Variants in STPG2 observed in about 807,000 individuals in gnomAD.
The protein encoded by STPG2 is sperm tail PG-rich repeat containing 2, also known as sperm-tail PG-rich repeat-containing protein 2.
A neutral mutation model predicts 54.2 loss-of-function variants in STPG2; 56 were observed. The ratio of observed to expected loss-of-function variants is 1.03; its 90% CI spans 0.83 to 1.29. STPG2 has a LOEUF of 1.29. Among genes scored for constraint, STPG2 ranks in the 50% most tolerant of loss-of-function variants. The probability of loss-of-function intolerance (pLI) is 0.00; values close to 1 mark genes in which losing one functional copy is unlikely to be tolerated. For missense variants in STPG2, 596 were observed against 544.9 expected, an observed-to-expected ratio of 1.09 and a Z score of -0.93; for synonymous variants, 200 against 181.8, an observed-to-expected ratio of 1.10 and a Z score of -0.81.
chr4:98,015,998 G>A (rs965009048), intron 5 of STPG2, among the ~76,000 whole-genome samples: 2 of 152,102 alleles, frequency 1.3e-5, no homozygotes, highest in Admixed American at 6.6e-5. Flanking sequence ...AGAAGTGGGA[G>A]ATGAACAATG....
At chr4:98,135,465 G>C (rs778229700) in intron 1 of STPG2, among the ~76,000 whole-genome samples, 1 of 151,724 alleles carries the variant, frequency 6.6e-6, no homozygotes, top group Non-Finnish European at 1.5e-5. Context: ...TTGAAGCATT[G>C]AGAAAAGTAT....
At chr4:97,518,565 T>A (rs973385211) in intron 4 of STPG2, among the ~76,000 whole-genome samples, 9 of 152,116 alleles carry the variant, frequency 5.9e-5, no homozygotes, top group African/African-American at 2.2e-4. Context: ...AATAATTTCA[T>A]CTTTGGTGGG....
chr4:97,970,645 C>A lies in STPG2; in HGVS notation c.933+1635G>T, dbSNP rs373642953. Among the ~76,000 whole-genome samples the A allele has an allele frequency of 3.4e-3, 514 of 152,180 alleles. 4 individuals are homozygous for A. Among genetic ancestry groups the A allele is most frequent in the African/African-American group, 0.01 (436 of 41,530 alleles). On this transcript the variant is annotated intron_variant, in intron 7 of 10. Transcript: ENST00000295268. Reference sequence around the variant, plus strand: ...AAACTGGATCCCTTCCTTACACCTTCTACAAAAATTAATTCAAGATGGATT... The same window carrying A: ...AAACTGGATCCCTTCCTTACACCTTATACAAAAATTAATTCAAGATGGATT...
intron 4 of STPG2, among the ~76,000 whole-genome samples, chr4:98,107,028 T>TA (rs1158312258): frequency 2.0e-5 from 3 of 152,202 alleles, no homozygotes; most frequent in Non-Finnish European, 1.5e-5. Context: ...AATATGCACT[T>TA]ACCATCCCCG....
At chr4:97,613,475 CGTGT>C (rs70953075) in intron 10 of STPG2, among the ~76,000 whole-genome samples, 23,514 of 141,982 alleles carry the variant, frequency 0.17, 1,850 homozygotes, top group Middle Eastern at 0.21. Flanking sequence ...AGTCATCACC[CGTGT>C]GTGTGTGTGT....
At chr4:97,794,706 T>C (rs558237219) in intron 9 of STPG2, among the ~76,000 whole-genome samples, 19 of 152,294 alleles carry the variant, frequency 1.2e-4, no homozygotes, top group Non-Finnish European at 2.5e-4. Flanking sequence ...ACCTTTATTA[T>C]AGCTTCTACT....
intron 10 of STPG2, among the ~76,000 whole-genome samples, chr4:97,586,526 TAATC>T (rs1488888333): frequency 6.6e-6 from 1 of 151,922 alleles, no homozygotes; most frequent in African/African-American, 2.4e-5. Context: ...AGTCAAATCT[TAATC>T]AAACTTTTGA....
chr4:97,655,632 G>T (rs970887430), intron 10 of STPG2, among the ~76,000 whole-genome samples: 8 of 151,914 alleles, frequency 5.3e-5, no homozygotes, highest in Non-Finnish European at 1.2e-4. Flanking sequence ...TTTTAATAAT[G>T]CCTACAGCAC....
intron 10 of STPG2, among the ~76,000 whole-genome samples, chr4:97,581,950 T>C (rs932979610): frequency 6.6e-6 from 1 of 152,102 alleles, no homozygotes; most frequent in African/African-American, 2.4e-5. Flanking sequence ...GTGTCCACAA[T>C]GGGAAAAAAA....
At chr4:97,628,023 A>G (rs1262722025) in intron 10 of STPG2, among the ~76,000 whole-genome samples, 1 of 152,148 alleles carries the variant, frequency 6.6e-6, no homozygotes, top group Non-Finnish European at 1.5e-5. Flanking sequence ...AAACTGCTTT[A>G]CTCAGACCAC....
At position 97,500,895 on chromosome 4, in the gene STPG2, A is replaced by G. The variant is rs998415349; in HGVS notation, c.462+211804T>C. 2.0e-5 allele frequency among the ~76,000 whole-genome samples: 3 copies of G among 152,130 alleles called. No homozygotes were observed. The East Asian group carries it at 5.8e-4, about 30-fold the overall frequency. On this transcript the variant is annotated intron_variant, in intron 4 of 4. Coordinates refer to the STPG2 transcript ENST00000522676. ...AAAGAGTTGGGGCAACTAACTATAGAAAATATTTTAAGGAAGTTTGCAGTA... is the reference window on the plus strand; with the variant it reads ...AAAGAGTTGGGGCAACTAACTATAGGAAATATTTTAAGGAAGTTTGCAGTA...
chr4:97,907,564 A>C (rs1731487942), intron 8 of STPG2, among the ~76,000 whole-genome samples: 1 of 152,082 alleles, frequency 6.6e-6, no homozygotes, highest in Admixed American at 6.6e-5. Flanking sequence ...CGCCAAGTCA[A>C]TCCTAAGCCA....
chr4:97,677,759 G>T (rs1305195973), intron 10 of STPG2, among the ~76,000 whole-genome samples: 1 of 152,134 alleles, frequency 6.6e-6, no homozygotes, highest in African/African-American at 2.4e-5. Flanking sequence ...TTCCTAAATG[G>T]TGAGCTGGCT....
chr4:97,534,990 G>T (rs1731496695), intron 4 of STPG2, among the ~76,000 whole-genome samples: 1 of 152,114 alleles, frequency 6.6e-6, no homozygotes, highest in Non-Finnish European at 1.5e-5. Context: ...TCTATTTGAT[G>T]AATGTAATGC....
chr4:97,659,009 A>G (rs1290123931), intron 10 of STPG2, among the ~76,000 whole-genome samples: 1 of 152,174 alleles, frequency 6.6e-6, no homozygotes, highest in Admixed American at 6.5e-5. Context: ...GGAGAAAACA[A>G]TTAATTAATA....
At position 97,660,152 on chromosome 4, in the gene STPG2, A is replaced by G. The variant is rs530734625; in HGVS notation, c.1320+52547T>C. 2.0e-3 allele frequency among the ~76,000 whole-genome samples: 298 copies of G among 152,050 alleles called. 5 individuals carry two copies. The East Asian group carries it at 0.026, about 13-fold the overall frequency. ...TGAGTAGCTGGGACTACAGGCGCCC[A>G]CCACTAAGCCCAGCTAATTTTTTGT... On this transcript the variant is annotated intron_variant, in intron 10 of 10. Coordinates refer to ENST00000295268, the MANE Select transcript of STPG2 (RefSeq NM_174952.3).
intron 9 of STPG2, among the ~76,000 whole-genome samples, chr4:97,780,803 A>G (rs1386868322): frequency 6.6e-6 from 1 of 152,106 alleles, no homozygotes; most frequent in Admixed American, 6.5e-5. Flanking sequence ...AACTACATGG[A>G]ACCTGAACAA....
At chr4:97,494,272 G>A (rs1730562254) in intron 4 of STPG2, among the ~76,000 whole-genome samples, 1 of 151,566 alleles carries the variant, frequency 6.6e-6, no homozygotes, top group African/African-American at 2.4e-5. Flanking sequence ...CAGGCAGGTA[G>A]CATGCTGAGA....
intron 5 of STPG2, among the ~76,000 whole-genome samples, chr4:97,982,848 G>C (rs2149264209): frequency 6.6e-6 from 1 of 152,306 alleles, no homozygotes; most frequent in Non-Finnish European, 1.5e-5. Flanking sequence ...CTAGGTGGGT[G>C]ATGTGTGGCT....
Sources: allele counts gnomAD v4.1 joint callset (sites outside exome capture counted in the v4.1 genomes callset), GRCh38; gene constraint gnomAD v4.1.1; transcripts MANE v1.5; gene names NCBI Gene and HGNC (gene_info 2026-07-23, HGNC 2026-07-21).